PCDHGA9: variants seen among roughly 807,000 people sequenced by gnomAD.
PCDHGA9 encodes the protein protocadherin gamma subfamily A, 9, also known as protocadherin gamma-A9.
PCDHGA9 carries 37 observed loss-of-function variants against 62.5 expected under a neutral mutation model. The observed-to-expected ratio is 0.59, with a 90% CI of 0.46 to 0.78. PCDHGA9 has a LOEUF of 0.78. Among genes scored for constraint, PCDHGA9 ranks in the 30% least tolerant of loss-of-function variants. The pLI is 0.00. For synonymous variants in PCDHGA9, 459 were observed against 484.6 expected, an observed-to-expected ratio of 0.95 and a Z score of 0.69; for missense variants, 1,138 against 1,166.2, an observed-to-expected ratio of 0.98 and a Z score of 0.35.
In PCDHGA9 at chr5:141,405,104, C is replaced by T; in HGVS notation, c.2152C>T (p.His718Tyr). 6.2e-7 allele frequency: 1 copy of T among 1,613,940 alleles called. No homozygotes were observed. Among genetic ancestry groups the T allele is most frequent in the Non-Finnish European group, 8.5e-7 (1 of 1,179,822 alleles). ...CACGCTGCTGGCCCTCAGGCTGAGG[C>T]ACTGGCACTCCTCGCATCTGCTGCG... ...VITLLALRLRHWHSSHLLRAT... is the reference protein window; with the variant it reads ...VITLLALRLRYWHSSHLLRAT... The change falls in exon 1 of 4, where the codon CAC becomes TAC. Residue 718 changes from histidine to tyrosine, a missense_variant. By Grantham distance (83) the His-to-Tyr change is moderately conservative (BLOSUM62 2). Transcript: ENST00000573521.
chr5:141,415,740 G>GTTTTTTTTTTTTTTTTTTTT (rs57426385), intron 1 of PCDHGA9: 5 of 625,024 alleles, frequency 8.0e-6, no homozygotes, highest in African/African-American at 5.0e-5. Flanking sequence ...GTTTATTAAG[G>GTTTTTTTTTTTTTTTTTTTT]TTTTTTTTTT....
At chr5:141,470,942 C>T (rs1156728317) in intron 1 of PCDHGA9, among the ~76,000 whole-genome samples, 1 of 152,020 alleles carries the variant, frequency 6.6e-6, no homozygotes, top group Non-Finnish European at 1.5e-5. Context: ...GTCTCAAATT[C>T]CTGGCCTCAA....
At chr5:141,502,818 C>T (rs1209481886) in intron 2 of PCDHGA9, among the ~76,000 whole-genome samples, 1 of 150,836 alleles carries the variant, frequency 6.6e-6, no homozygotes, top group Non-Finnish European at 1.5e-5. Context: ...ACTGTCTTTT[C>T]CTTGGGGAAG....
chr5:141,500,835 A>G (rs965204931), intron 2 of PCDHGA9, among the ~76,000 whole-genome samples: 13 of 152,118 alleles, frequency 8.5e-5, no homozygotes, highest in African/African-American at 3.1e-4. Context: ...TCTAATGCTA[A>G]TGGGCTTTTG....
At chr5:141,506,609 T>C (rs1375963880) in intron 3 of PCDHGA9, among the ~76,000 whole-genome samples, 1 of 152,184 alleles carries the variant, frequency 6.6e-6, no homozygotes, top group African/African-American at 2.4e-5. Context: ...GATCTCATTG[T>C]GGTGTTACCA....
chr5:141,445,276 C>T (rs761058385), intron 1 of PCDHGA9, among the ~76,000 whole-genome samples: 1 of 152,218 alleles, frequency 6.6e-6, no homozygotes, highest in Non-Finnish European at 1.5e-5. Flanking sequence ...AACCACTCTG[C>T]ATAAGTTCAG....
rs2154581798 is a variant in PCDHGA9, at chr5:141,489,799, G to T, written c.2425-5008G>T. 1 of 1,614,192 alleles carries T rather than the reference G, an allele frequency of 6.2e-7. No homozygotes were observed. The highest frequency in any genetic ancestry group is 2.2e-5 in the East Asian group (1 of 44,884). On this transcript the variant is annotated intron_variant, in intron 1 of 3. Coordinates refer to ENST00000573521, the MANE Select transcript of PCDHGA9 (RefSeq NM_018921.3). The surrounding 1 kb of genome is among the most constrained non-coding windows in gnomAD (Gnocchi z 4.5). Reference sequence around the variant, plus strand: ...CTCTCTGAATGTGAAGACCCTAAAAGATGGGAAGCCATTCCCAGAGCTGGT... The same window carrying T: ...CTCTCTGAATGTGAAGACCCTAAAATATGGGAAGCCATTCCCAGAGCTGGT...
chr5:141,505,270 G>A (rs550800630), intron 2 of PCDHGA9, 123 bp from the exon 3 acceptor site: 103 of 1,520,724 alleles, frequency 6.8e-5, no homozygotes, highest in Middle Eastern at 4.6e-4. Context: ...CTTGCTGAGA[G>A]AAACAGGTCT....
chr5:141,494,675 C>A, intron 1 of PCDHGA9, 132 bp from the exon 2 acceptor site: 2 of 1,548,574 alleles, frequency 1.3e-6, no homozygotes, highest in South Asian at 1.2e-5. Flanking sequence ...TGAGTCCACC[C>A]CTGCCCCCTC....
intron 1 of PCDHGA9, chr5:141,424,475 T>C (rs1399874639): frequency 2.6e-5 from 4 of 152,234 alleles, no homozygotes; most frequent in Admixed American, 2.0e-4. Context: ...ATTCTTTTAC[T>C]TTGGTGTCTG....
intron 1 of PCDHGA9, chr5:141,419,522 C>T (rs781128524): frequency 1.5e-5 from 24 of 1,612,178 alleles, no homozygotes; most frequent in Non-Finnish European, 1.9e-5. Flanking sequence ...GGTGGGCGAC[C>T]GTAACGACAA....
chr5:141,454,228 T>C (rs6896225), intron 1 of PCDHGA9, among the ~76,000 whole-genome samples: 1,935 of 152,208 alleles, frequency 0.013, 54 homozygotes, highest in African/African-American at 0.044. Flanking sequence ...AAAGTAATTG[T>C]GATGAAAAGG....
At position 141,511,313 on chromosome 5, in the gene PCDHGA9, CAGAA is replaced by C; in HGVS notation, c.*142_*145del. The C allele has an allele frequency of 2.0e-6, 3 of 1,482,944 alleles. No homozygotes were observed. In the South Asian group the frequency reaches 4.1e-5, roughly 20 times the overall value. 91.9% of individuals were successfully genotyped at this position (1,482,944 alleles called of 1,614,324 possible). ...CCAAGGCCATGCTCCCCTTGGGAAA[CAGAA>C]ACAAGTGCCCAGTCAGCACCTACCC... On this transcript the variant is annotated 3_prime_UTR_variant, in exon 4 of 4. Transcript: ENST00000573521.
rs1182066905 is a variant in PCDHGA9 at position 141,403,391 on chromosome 5, G to C, written c.439G>C (p.Val147Leu). Residue 147 changes from valine (V) to leucine (L), a missense_variant, in exon 1 of 4, where the codon GTT (valine) becomes CTT (leucine). Transcript: ENST00000573521. ...GGAAGTAAAAATTAACGAAATCGCG[G>C]TTCCTGGAGCACGTTATCCACTTCC... ...SLEVKINEIA[V>L]PGARYPLPEA... 1 of 1,614,046 alleles carries C rather than the reference G, an allele frequency of 6.2e-7. No individual in the cohort carries two copies. Among genetic ancestry groups the C allele is most frequent in the East Asian group, 2.2e-5 (1 of 44,890 alleles).
At chr5:141,421,120 G>T (rs747126094) in intron 1 of PCDHGA9, 4 of 779,870 alleles carry the variant, frequency 5.1e-6, no homozygotes, top group Non-Finnish European at 7.9e-6. Flanking sequence ...ATTTTCCTTC[G>T]CTTTCTGATA....
At chr5:141,474,893 T>C (rs1406276730) in intron 1 of PCDHGA9, among the ~76,000 whole-genome samples, 1 of 152,256 alleles carries the variant, frequency 6.6e-6, no homozygotes, top group East Asian at 1.9e-4. Flanking sequence ...TAGAGGTTCA[T>C]TTCTTGTTCA....
chr5:141,487,100 C>A lies in PCDHGA9; in HGVS notation c.2425-7707C>A. ...CCCAGCTGACCTCCCACCACAGAAGCTGGTCATTGTGGTAAAGGATAGTGG... is the reference window on the plus strand; with the variant it reads ...CCCAGCTGACCTCCCACCACAGAAGATGGTCATTGTGGTAAAGGATAGTGG... On this transcript the variant is annotated intron_variant, in intron 1 of 3. Coordinates refer to ENST00000573521, the MANE Select transcript of PCDHGA9 (RefSeq NM_018921.3). This position sits in a 1 kb window ranked among gnomAD's most constrained non-coding sequence, Gnocchi z 5.0. The A allele has an allele frequency of 1.2e-6, 2 of 1,614,076 alleles. No homozygotes were observed. The highest frequency in any genetic ancestry group is 1.7e-6 in the Non-Finnish European group (2 of 1,179,960).
intron 1 of PCDHGA9, chr5:141,427,102 C>T (rs1363595185): frequency 6.6e-6 from 3 of 457,858 alleles, no homozygotes; most frequent in South Asian, 3.1e-5. Flanking sequence ...GGTGTCAATG[C>T]GGAGATCACC....
chr5:141,478,315 A>G, intron 1 of PCDHGA9: 1 of 1,613,998 alleles, frequency 6.2e-7, no homozygotes, highest in Non-Finnish European at 8.5e-7. Flanking sequence ...CGGTGAGCTC[A>G]CTGTACCGAA....
Sources: allele counts gnomAD v4.1 joint callset (sites outside exome capture counted in the v4.1 genomes callset), GRCh38; gene constraint gnomAD v4.1.1; non-coding constraint Gnocchi (gnomAD v3.1); transcripts MANE v1.5; gene names NCBI Gene and HGNC (gene_info 2026-07-23, HGNC 2026-07-21).